ZNF555: variants seen among roughly 807,000 people sequenced by gnomAD.
The protein encoded by ZNF555 is zinc finger protein 555.
A neutral mutation model predicts 14.0 loss-of-function variants in ZNF555; 10 were observed. The observed-to-expected ratio is 0.72, with a 90% confidence interval of 0.44 to 1.21. The LOEUF (loss-of-function observed/expected upper bound fraction) is 1.21, where lower values mean the gene tolerates loss of function less well. ZNF555 is among the 50% of genes most tolerant of loss of function. The probability of loss-of-function intolerance (pLI) is 0.00; values close to 1 mark genes in which losing one functional copy is unlikely to be tolerated. For synonymous variants in ZNF555, 277 were observed against 262.4 expected, an observed-to-expected ratio of 1.06 and a Z score of -0.54; for missense variants, 747 against 762.0, an observed-to-expected ratio of 0.98 and a Z score of 0.23.
At chr19:2,850,862 G>A (rs1238727028) in intron 2 of ZNF555, 149 bp downstream of exon 2, 7 of 1,007,780 alleles carry the variant, frequency 6.9e-6, no homozygotes, top group Non-Finnish European at 8.6e-6. Flanking sequence ...GAGCTAGAAT[G>A]TAATGTTTTT....
chr19:2,853,838 G>A lies in ZNF555; in HGVS notation c.1773G>A (p.Gln591=). 1.2e-6 allele frequency: 2 copies of A among 1,613,988 alleles called. No individual in the cohort carries two copies. The highest frequency in any genetic ancestry group is 1.7e-6 in the Non-Finnish European group (2 of 1,179,950). The change falls in exon 4 of 4, where the codon CAG becomes CAA. Residue 591 remains glutamine, a synonymous_variant. Coordinates refer to ENST00000334241, the MANE Select transcript of ZNF555 (RefSeq NM_152791.5). ...TGAGAATACACACTACAGAAAAACAGTATAAGTGTAATGTAGGACATCCTC... is the reference window on the plus strand; with the variant it reads ...TGAGAATACACACTACAGAAAAACAATATAAGTGTAATGTAGGACATCCTC... ...RHVRIHTTEK[Q]YKCNVGHPPA... is the part of the protein sequence containing the mutation.
intron 2 of ZNF555, among the ~76,000 whole-genome samples, chr19:2,851,044 G>T (rs2087625398): frequency 6.7e-6 from 1 of 150,284 alleles, no homozygotes. Context: ...TGTCGCCCAG[G>T]CTGGAGTGCA....
intron 1 of ZNF555, among the ~76,000 whole-genome samples, chr19:2,842,308 CAA>C (rs2087544525): frequency 6.6e-6 from 1 of 152,190 alleles, no homozygotes; most frequent in East Asian, 1.9e-4. Flanking sequence ...GGAAAAAAAA[CAA>C]GGGTTCCTGG....
chr19:2,844,470 C>G (rs1258082240), intron 1 of ZNF555, among the ~76,000 whole-genome samples: 1 of 152,140 alleles, frequency 6.6e-6, no homozygotes, highest in Non-Finnish European at 1.5e-5. Context: ...AACTCCTGAC[C>G]TCAGGTGGCC....
intron 1 of ZNF555, among the ~76,000 whole-genome samples, chr19:2,849,849 C>T (rs563058856): frequency 6.6e-6 from 1 of 152,088 alleles, no homozygotes; most frequent in Admixed American, 6.6e-5. Context: ...GCACCTCGCT[C>T]TGTGTATACT....
intron 1 of ZNF555, among the ~76,000 whole-genome samples, chr19:2,847,868 G>T (rs1469046732): frequency 6.6e-6 from 1 of 152,168 alleles, no homozygotes; most frequent in Non-Finnish European, 1.5e-5. Context: ...CATTATGCTA[G>T]CAGGGAAGAC....
intron 1 of ZNF555, among the ~76,000 whole-genome samples, chr19:2,841,784 G>A (rs948739651): frequency 2.0e-5 from 3 of 151,620 alleles, no homozygotes; most frequent in Non-Finnish European, 4.4e-5. Flanking sequence ...GTCCCCGCCC[G>A]CCTCTGGCCC....
intron 1 of ZNF555, among the ~76,000 whole-genome samples, chr19:2,846,880 C>G (rs772682241): frequency 7.2e-5 from 11 of 152,124 alleles, no homozygotes; most frequent in Non-Finnish European, 1.3e-4. Flanking sequence ...TTCATAAGAG[C>G]GCATTAACAA....
rs768660239 is a variant in ZNF555, at chr19:2,853,583, ACT to A, written c.1521_1522del (p.Tyr508Ter). The A allele has an allele frequency of 2.7e-5, 44 of 1,609,392 alleles. No individual in the cohort carries two copies. In the Admixed American group the frequency reaches 4.7e-4, roughly 17 times the overall value. On this transcript the variant is annotated frameshift_variant, in exon 4 of 4. Transcript: ENST00000334241. LOFTEE classifies it low-confidence loss of function (END_TRUNC). ...KHMRRHTAEK[L>X]YKCKQCGKAF... ...ATATGAGAAGACATACCGCAGAGAA[ACT>A]CTATAAATGCAAGCAGTGTGGGAAA...
At chr19:2,844,030 G>T (rs944670815) in intron 1 of ZNF555, among the ~76,000 whole-genome samples, 1 of 150,802 alleles carries the variant, frequency 6.6e-6, no homozygotes, top group Non-Finnish European at 1.5e-5. Flanking sequence ...TACCATGCCT[G>T]CCTAATCTAT....
intron 1 of ZNF555, among the ~76,000 whole-genome samples, chr19:2,842,565 A>T (rs1260565584): frequency 6.6e-6 from 1 of 152,112 alleles, no homozygotes; most frequent in Non-Finnish European, 1.5e-5. Context: ...TTCTGTTTTG[A>T]GTACTAGCAA....
chr19:2,853,231 C>A lies in ZNF555; in HGVS notation c.1166C>A (p.Thr389Asn). ...YPQSFRRHERTHGGEKPYECN... is the reference protein window; with the variant it reads ...YPQSFRRHERNHGGEKPYECN... ...CAGTCCTTTCGAAGACATGAAAGGACTCATGGTGGAGAGAAACCCTATGAA... is the reference window on the plus strand; with the variant it reads ...CAGTCCTTTCGAAGACATGAAAGGAATCATGGTGGAGAGAAACCCTATGAA... Residue 389 changes from threonine to asparagine, a missense_variant, in exon 4 of 4, where the codon ACT becomes AAT. Physicochemically the swap from Thr to Asn is moderately conservative, Grantham distance 65. Coordinates refer to ENST00000334241, the MANE Select transcript of ZNF555 (RefSeq NM_152791.5). The A allele has an allele frequency of 1.2e-6, 2 of 1,613,918 alleles. No individual in the cohort carries two copies. Among genetic ancestry groups the A allele is most frequent in the Non-Finnish European group, 1.7e-6 (2 of 1,179,980 alleles).
Position 2,851,633 on chromosome 19 carries a change from A to G in ZNF555, c.296A>G (p.Asn99Ser). ...CTTAGCATCGAAGATCAAACCACAA[A>G]CCAGGGGAGAAATCTCAGGTGAGTT... ...DSLSIEDQTT[N>S]QGRNLSRNHG... is the part of the protein sequence containing the mutation. Residue 99 changes from asparagine (N) to serine (S), a missense_variant, in exon 3 of 4, where the codon AAC becomes AGC. Physicochemically the swap from Asn to Ser is conservative, Grantham distance 46. Transcript: ENST00000334241. The G allele has an allele frequency of 6.3e-7, 1 of 1,586,102 alleles. No individual in the cohort carries two copies. The highest frequency in any genetic ancestry group is 8.5e-7 in the Non-Finnish European group (1 of 1,170,110).
In ZNF555 at chr19:2,852,851, G is replaced by A; in HGVS notation, c.786G>A (p.Gly262=). 16 of 1,614,202 alleles carry A rather than the reference G, an allele frequency of 9.9e-6. No individual in the cohort carries two copies. Among genetic ancestry groups the A allele is most frequent in the Non-Finnish European group, 1.4e-5 (16 of 1,180,046 alleles). ...GEKPYKCKEC[G]KAFSYSSTFR... is the part of the protein sequence containing the mutation. Reference sequence around the variant, plus strand: ...AGCCATATAAGTGTAAGGAATGTGGGAAAGCTTTCAGTTATTCCTCAACGT... The same window carrying A: ...AGCCATATAAGTGTAAGGAATGTGGAAAAGCTTTCAGTTATTCCTCAACGT... The change falls in exon 4 of 4, where the codon GGG becomes GGA. Residue 262 remains glycine, a synonymous_variant. Transcript: ENST00000334241.
chr19:2,852,914 A>T lies in ZNF555; in HGVS notation c.849A>T (p.Pro283=). Residue 283 remains proline, a synonymous_variant, in exon 4 of 4, where the codon CCA becomes CCT. Transcript: ENST00000334241. ...RHTITHTGEK[P]YKCKECAEAF... ...CAATAACACACACTGGCGAGAAGCCATATAAATGTAAGGAATGTGCGGAAG... is the reference window on the plus strand; with the variant it reads ...CAATAACACACACTGGCGAGAAGCCTTATAAATGTAAGGAATGTGCGGAAG... 6.2e-7 allele frequency: 1 copy of T among 1,614,226 alleles called. No homozygotes were observed. Among genetic ancestry groups the T allele is most frequent in the East Asian group, 2.2e-5 (1 of 44,882 alleles).
intron 1 of ZNF555, among the ~76,000 whole-genome samples, chr19:2,849,937 G>A (rs543532851): frequency 1.3e-5 from 2 of 152,282 alleles, no homozygotes; most frequent in East Asian, 1.9e-4. Flanking sequence ...TTGGGCTTCC[G>A]TCACTGAGGC....
Position 2,853,204 on chromosome 19 carries a change from C to T in ZNF555, c.1139C>T (p.Pro380Leu), listed in dbSNP as rs746443562. The stretch of plus-strand genomic sequence containing the variant: ...CAGTGTGGGAAGACCTTCATTTATC[C>T]CCAGTCCTTTCGAAGACATGAAAGG... The part of the protein sequence containing the change: ...CKQCGKTFIY[P>L]QSFRRHERTH... The change falls in exon 4 of 4, where the codon CCC (proline) becomes CTC (leucine). Residue 380 changes from proline to leucine, a missense_variant. Pro to Leu is a moderately conservative substitution (Grantham distance 98). Coordinates refer to ENST00000334241, the MANE Select transcript of ZNF555 (RefSeq NM_152791.5). 8 of 1,613,866 alleles carry T rather than the reference C, an allele frequency of 5.0e-6. No individual in the cohort carries two copies. Among genetic ancestry groups the T allele is most frequent in the Admixed American group, 3.3e-5 (2 of 59,976 alleles).
At position 2,852,772 on chromosome 19, in the gene ZNF555, C is replaced by G. The variant is rs774856523; in HGVS notation, c.707C>G (p.Ala236Gly). The G allele has an allele frequency of 1.2e-6, 2 of 1,614,170 alleles. No homozygotes were observed. The highest frequency in any genetic ancestry group is 1.7e-6 in the Non-Finnish European group (2 of 1,180,024). ...KTYECKQCGK[A>G]FIDFSSLTSH... ...TACGAATGTAAGCAATGTGGGAAAG[C>G]CTTTATTGACTTCTCAAGTCTTACT... Residue 236 changes from alanine (A) to glycine (G), a missense_variant, in exon 4 of 4, where the codon GCC becomes GGC. Transcript: ENST00000334241.
chr19:2,850,848 C>G, intron 2 of ZNF555, 135 bp downstream of exon 2: 1 of 1,087,590 alleles, frequency 9.2e-7, no homozygotes, highest in Non-Finnish European at 1.3e-6. Flanking sequence ...TCACAGCTGT[C>G]ATAGAGCTAG....
Sources: allele counts gnomAD v4.1 joint callset (sites outside exome capture counted in the v4.1 genomes callset), GRCh38; gene constraint gnomAD v4.1.1; transcripts MANE v1.5; gene names NCBI Gene and HGNC (gene_info 2026-07-23, HGNC 2026-07-21).